DAB1: variants seen among roughly 807,000 people sequenced by gnomAD.
DAB1 encodes the protein DAB adaptor protein 1.
A neutral mutation model predicts 64.6 loss-of-function variants in DAB1; 15 were observed. The ratio of observed to expected loss-of-function variants is 0.23; its 90% confidence interval spans 0.16 to 0.36. The LOEUF is 0.36. Ranked by LOEUF, DAB1 falls within the 10% of genes least tolerant of loss-of-function variation. DAB1 has a pLI of 1.00. For missense variants in DAB1, 596 were observed against 706.7 expected, an observed-to-expected ratio of 0.84 and a Z score of 1.78; for synonymous variants, 235 against 251.9, an observed-to-expected ratio of 0.93 and a Z score of 0.64.
chr1:57,069,420 A>G lies in DAB1; in HGVS notation c.603T>C (p.Ile201=), dbSNP rs1170966571. Residue 201 remains isoleucine (I), a synonymous_variant, in exon 8 of 15, where the codon ATT becomes ATC. Coordinates refer to ENST00000371236, the MANE Select transcript of DAB1 (RefSeq NM_001365792.1). ...TTGGCTCGTGTCCAGCCTCAAACAC[A>G]ATGTACTATTACAGGAGCAGCCAGA... ...EDVEDPVYQY[I]VFEAGHEPIR... is the part of the protein sequence containing the mutation. The G allele has an allele frequency of 2.5e-6, 4 of 1,613,036 alleles. No homozygotes were observed. In the African/African-American group the frequency reaches 5.3e-5, roughly 22 times the overall value.
chr1:58,539,004 A>G, intron 1 of DAB1: 1 of 872,858 alleles, frequency 1.1e-6, no homozygotes, highest in East Asian at 2.4e-5. Flanking sequence ...TCCATACAGT[A>G]CATTTGCTGG....
At chr1:58,448,755 G>A (rs1000934304) in intron 3 of DAB1, among the ~76,000 whole-genome samples, 22 of 152,188 alleles carry the variant, frequency 1.4e-4, no homozygotes, top group African/African-American at 5.1e-4. Context: ...CCCAGCTACT[G>A]GAATTGAGGC....
chr1:57,001,893 A>G (rs1219858390), intron 14 of DAB1, among the ~76,000 whole-genome samples: 4 of 152,142 alleles, frequency 2.6e-5, no homozygotes, highest in Non-Finnish European at 2.9e-5. Context: ...ACCTGTGCAG[A>G]TCTCTGTCTT....
At chr1:57,915,947 G>A (rs955036192) in intron 5 of DAB1, among the ~76,000 whole-genome samples, 3 of 152,096 alleles carry the variant, frequency 2.0e-5, no homozygotes, top group Non-Finnish European at 2.9e-5. Flanking sequence ...TTAGGTGAGC[G>A]CTTCAATGTC....
chr1:58,536,675 C>G (rs772661930), intron 1 of DAB1: 4 of 872,778 alleles, frequency 4.6e-6, no homozygotes, highest in Non-Finnish European at 8.0e-6. Context: ...ATTTATTCTT[C>G]CTTATATTTT....
chr1:57,700,043 C>A (rs1174327810), intron 6 of DAB1, among the ~76,000 whole-genome samples: 3 of 152,178 alleles, frequency 2.0e-5, no homozygotes, highest in African/African-American at 7.2e-5. Flanking sequence ...TCTTTTCTAA[C>A]TTGCTGACAG....
chr1:57,964,317 ATTAAG>A (rs1012987729), intron 5 of DAB1, among the ~76,000 whole-genome samples: 16 of 152,348 alleles, frequency 1.1e-4, no homozygotes, highest in African/African-American at 3.1e-4. Context: ...TCTTTCTGGA[ATTAAG>A]TTAAGTGGGG....
At chr1:57,601,537 G>C (rs1410246612) in intron 7 of DAB1, among the ~76,000 whole-genome samples, 1 of 152,008 alleles carries the variant, frequency 6.6e-6, no homozygotes, top group Non-Finnish European at 1.5e-5. Flanking sequence ...CTCCAGACTG[G>C]AGTCTCCAGC....
In DAB1 at chr1:57,284,071, T is replaced by A. The variant is rs146796610; in HGVS notation, c.67+6893A>T. Among the ~76,000 whole-genome samples the A allele has an allele frequency of 3.1e-3, 474 of 152,272 alleles. 2 individuals carry two copies. The highest frequency in any genetic ancestry group is 0.011 in the African/African-American group (462 of 41,560). On this transcript the variant is annotated intron_variant, in intron 2 of 14. Transcript: ENST00000371236. ...TACTTGCTTTTAGTCAGGAAGGCAA[T>A]GAAAAGAGTTTTAATGAGAATCATC...
At chr1:57,029,333 C>G (rs1646893536) in intron 9 of DAB1, among the ~76,000 whole-genome samples, 1 of 152,170 alleles carries the variant, frequency 6.6e-6, no homozygotes, top group African/African-American at 2.4e-5. Context: ...ATGGAAATGC[C>G]TGGATGCCCA....
At chr1:57,479,106 T>C (rs1643978826) in intron 7 of DAB1, among the ~76,000 whole-genome samples, 1 of 152,170 alleles carries the variant, frequency 6.6e-6, no homozygotes, top group African/African-American at 2.4e-5. Context: ...AAAACTTTTC[T>C]TTTTATAAAC....
At chr1:57,925,573 C>T (rs190716561) in intron 5 of DAB1, among the ~76,000 whole-genome samples, 30 of 152,314 alleles carry the variant, frequency 2.0e-4, no homozygotes, top group Non-Finnish European at 2.5e-4. Context: ...CACAGAGTTT[C>T]AGACTAGAAA....
intron 7 of DAB1, among the ~76,000 whole-genome samples, chr1:57,595,538 T>C (rs1293287143): frequency 1.3e-5 from 2 of 152,116 alleles, no homozygotes; most frequent in Non-Finnish European, 2.9e-5. Context: ...AGGGTCACAC[T>C]TGAAATGAGC....
intron 2 of DAB1, among the ~76,000 whole-genome samples, chr1:57,199,753 C>T (rs986813000): frequency 6.6e-6 from 1 of 152,136 alleles, no homozygotes; most frequent in Non-Finnish European, 1.5e-5. Flanking sequence ...GCTCTGTGAC[C>T]TTGAGTCAAT....
At chr1:58,152,692 T>G (rs1023469219) in intron 4 of DAB1, among the ~76,000 whole-genome samples, 8 of 152,206 alleles carry the variant, frequency 5.3e-5, no homozygotes, top group African/African-American at 1.9e-4. Flanking sequence ...TTTCTTATCC[T>G]TAATTAAAGA....
At chr1:58,340,615 T>C (rs1426383954) in intron 4 of DAB1, among the ~76,000 whole-genome samples, 1 of 152,162 alleles carries the variant, frequency 6.6e-6, no homozygotes, top group East Asian at 1.9e-4. Flanking sequence ...TCTGAACAAA[T>C]GTGAGGCTTC....
At chr1:57,417,364 C>G (rs548158560) in intron 1 of DAB1, among the ~76,000 whole-genome samples, 1 of 152,130 alleles carries the variant, frequency 6.6e-6, no homozygotes, top group Non-Finnish European at 1.5e-5. Flanking sequence ...TAAAGGAACA[C>G]TAGGCATAAA....
intron 7 of DAB1, among the ~76,000 whole-genome samples, chr1:57,582,067 C>T (rs1645319668): frequency 6.6e-6 from 1 of 152,134 alleles, no homozygotes; most frequent in Non-Finnish European, 1.5e-5. Flanking sequence ...TGGTCTCTTC[C>T]TACTCTTAAA....
intron 6 of DAB1, among the ~76,000 whole-genome samples, chr1:57,755,899 G>T (rs1288516710): frequency 2.6e-5 from 4 of 152,146 alleles, no homozygotes; most frequent in African/African-American, 4.8e-5. Context: ...CAATTAGATT[G>T]CATAGGCCTT....
Sources: allele counts gnomAD v4.1 joint callset (sites outside exome capture counted in the v4.1 genomes callset), GRCh38; gene constraint gnomAD v4.1.1; transcripts MANE v1.5; gene names NCBI Gene and HGNC (gene_info 2026-07-23, HGNC 2026-07-21).